DENND2A: variants seen among roughly 807,000 people sequenced by gnomAD.
DENND2A encodes the protein DENN domain containing 2A, also known as DENN domain-containing protein 2A.
Under a neutral mutation model 105.3 loss-of-function variants are expected in DENND2A, and 53 were observed. The ratio of observed to expected loss-of-function variants is 0.50; its 90% confidence interval spans 0.40 to 0.63. The LOEUF is 0.63. Among genes scored for constraint, DENND2A ranks in the 30% least tolerant of loss-of-function variants. The probability of loss-of-function intolerance (pLI) is 0.00; values close to 1 mark genes in which losing one functional copy is unlikely to be tolerated. For synonymous variants in DENND2A, 522 were observed against 508.4 expected (o/e 1.03, Z -0.36); for missense variants, 1,138 against 1,279.6 (o/e 0.89, Z 1.69).
At chr7:140,611,907 C>T (rs896350075) in intron 1 of DENND2A, among the ~76,000 whole-genome samples, 69 of 152,160 alleles carry the variant, frequency 4.5e-4, no homozygotes, top group African/African-American at 1.5e-3. Context: ...TTGCACAATG[C>T]GGTGAATACA....
rs866125087 is a variant in DENND2A, at chr7:140,624,296, T to C, written c.-248+16208A>G. On this transcript the variant is annotated intron_variant, in intron 1 of 19. Coordinates refer to ENST00000496613, the MANE Select transcript of DENND2A (RefSeq NM_015689.5). ...GGTTACTGGGAACCCAGCCTGTAAATGACAGTGCTTCTCAGAGGTCCCAGT... is the reference window on the plus strand; with the variant it reads ...GGTTACTGGGAACCCAGCCTGTAAACGACAGTGCTTCTCAGAGGTCCCAGT... Among the ~76,000 whole-genome samples the C allele has an allele frequency of 1.4e-3, 215 of 152,228 alleles. 1 individual carries two copies. Among genetic ancestry groups the C allele is most frequent in the African/African-American group, 4.9e-3 (203 of 41,536 alleles).
rs1797528109 is a variant in DENND2A at position 140,559,528 on chromosome 7, G to T, written c.1889+180C>A. 6.6e-6 allele frequency among the ~76,000 whole-genome samples: 1 copy of T among 152,180 alleles called. No homozygotes were observed. Among genetic ancestry groups the T allele is most frequent in the Non-Finnish European group, 1.5e-5 (1 of 68,038 alleles). ...AGTGGGAAGCCCGGGAGGTCTGCAT[G>T]CTGGGCAGGTGACTTCACCTTCAGG... On this transcript the variant is annotated intron_variant, in intron 10 of 19. Coordinates refer to ENST00000496613, the MANE Select transcript of DENND2A (RefSeq NM_015689.5). This position sits in a 1 kb window ranked among gnomAD's most constrained non-coding sequence, Gnocchi z 4.1.
At chr7:140,609,590 TAC>T (rs1280874581) in intron 1 of DENND2A, among the ~76,000 whole-genome samples, 3 of 152,176 alleles carry the variant, frequency 2.0e-5, no homozygotes, top group Non-Finnish European at 2.9e-5. Flanking sequence ...AGCTGATGAG[TAC>T]ACAAGAGTTC....
chr7:140,563,938 C>T (rs1797733772), intron 9 of DENND2A, among the ~76,000 whole-genome samples: 1 of 152,058 alleles, frequency 6.6e-6, no homozygotes. Flanking sequence ...GTGATCGTGC[C>T]ACTCCATGCC....
Position 140,558,142 on chromosome 7 carries a change from C to T in DENND2A, c.1959+1G>A. ...GCAGGCTGAAAGCAGAATGTACTCA[C>T]CAGCAGTCTTCGGCAGTAACCGAAC... On this transcript the variant is annotated splice_donor_variant, in intron 11 of 19. Transcript: ENST00000496613. LOFTEE classifies it high-confidence loss of function. 6.2e-7 allele frequency: 1 copy of T among 1,613,070 alleles called. No individual in the cohort carries two copies. Among genetic ancestry groups the T allele is most frequent in the Non-Finnish European group, 8.5e-7 (1 of 1,179,134 alleles).
chr7:140,535,955 C>G (rs1434535220), intron 14 of DENND2A, among the ~76,000 whole-genome samples: 1 of 152,160 alleles, frequency 6.6e-6, no homozygotes, highest in Non-Finnish European at 1.5e-5. Flanking sequence ...GAAACAGGAG[C>G]TTTTGTTGAG....
chr7:140,549,491 G>A (rs140626900), intron 12 of DENND2A, among the ~76,000 whole-genome samples: 2 of 152,186 alleles, frequency 1.3e-5, no homozygotes, highest in African/African-American at 4.8e-5. Flanking sequence ...GACCTCAGGC[G>A]ATCCAACCAC....
chr7:140,623,377 T>C (rs1402487122), intron 1 of DENND2A, among the ~76,000 whole-genome samples: 1 of 144,822 alleles, frequency 6.9e-6, no homozygotes, highest in Non-Finnish European at 1.5e-5. Context: ...ACACTGAAGG[T>C]GCTAGGAACA....
At chr7:140,557,910 G>A (rs995248654) in intron 11 of DENND2A, among the ~76,000 whole-genome samples, 10 of 152,060 alleles carry the variant, frequency 6.6e-5, no homozygotes, top group African/African-American at 2.4e-4. Flanking sequence ...GGTCTCAAGT[G>A]ATCTGTCCTT....
chr7:140,597,891 T>C (rs991959097), intron 3 of DENND2A, among the ~76,000 whole-genome samples: 16 of 152,168 alleles, frequency 1.1e-4, no homozygotes, highest in Non-Finnish European at 1.5e-4. Context: ...GATTTATTAT[T>C]GGAGATGGAT....
intron 4 of DENND2A, 144 bp downstream of exon 4, chr7:140,587,509 C>T: frequency 5.0e-6 from 6 of 1,195,516 alleles, no homozygotes; most frequent in Non-Finnish European, 7.0e-6. Flanking sequence ...CACCTGCCTG[C>T]TTTTTCATCC....
intron 3 of DENND2A, among the ~76,000 whole-genome samples, chr7:140,592,925 C>T (rs1274614303): frequency 6.6e-6 from 1 of 152,148 alleles, no homozygotes; most frequent in East Asian, 1.9e-4. Context: ...TTTCTACAGC[C>T]TACATAAATG....
At chr7:140,611,602 A>G (rs1442692344) in intron 1 of DENND2A, among the ~76,000 whole-genome samples, 2 of 152,218 alleles carry the variant, frequency 1.3e-5, no homozygotes, top group African/African-American at 4.8e-5. Flanking sequence ...TGGATTTTAA[A>G]AAGTGGTCTA....
intron 4 of DENND2A, among the ~76,000 whole-genome samples, chr7:140,586,431 C>T (rs1368140121): frequency 1.3e-5 from 2 of 151,266 alleles, no homozygotes; most frequent in Non-Finnish European, 2.9e-5. Flanking sequence ...TGGTGGTGGG[C>T]GCCTATAATC....
chr7:140,538,811 T>A (rs2130503461), intron 14 of DENND2A, among the ~76,000 whole-genome samples: 1 of 151,642 alleles, frequency 6.6e-6, no homozygotes, highest in South Asian at 2.1e-4. Context: ...TGGCCCTTTT[T>A]TAAAAAATTT....
chr7:140,613,348 T>G (rs1014602337), intron 1 of DENND2A, among the ~76,000 whole-genome samples: 10 of 151,966 alleles, frequency 6.6e-5, no homozygotes, highest in African/African-American at 2.4e-4. Context: ...AAGACCAGCC[T>G]GGCTAACATG....
chr7:140,576,029 T>G (rs1585671289), intron 5 of DENND2A, among the ~76,000 whole-genome samples: 2 of 149,964 alleles, frequency 1.3e-5, no homozygotes, highest in African/African-American at 4.9e-5. Flanking sequence ...TTCTTTCAGA[T>G]ATATATATAT....
chr7:140,574,084 G>A (rs1798204838), intron 5 of DENND2A, 76 bp from the exon 6 acceptor site: 5 of 1,533,088 alleles, frequency 3.3e-6, no homozygotes, highest in Middle Eastern at 1.7e-4. Context: ...TGGTGCCAGG[G>A]ACGAGACAAT....
chr7:140,535,617 T>C (rs1383483318), intron 14 of DENND2A, among the ~76,000 whole-genome samples: 2 of 151,968 alleles, frequency 1.3e-5, no homozygotes, highest in Admixed American at 1.3e-4. Flanking sequence ...GTTTCGCTCT[T>C]GTTGCCCAGG....
Sources: allele counts gnomAD v4.1 joint callset (sites outside exome capture counted in the v4.1 genomes callset), GRCh38; gene constraint gnomAD v4.1.1; non-coding constraint Gnocchi (gnomAD v3.1); transcripts MANE v1.5; gene names NCBI Gene and HGNC (gene_info 2026-07-23, HGNC 2026-07-21).